The following NEK11 variants were observed in gnomAD, a reference collection of about 807,000 sequenced individuals.
NEK11 encodes NIMA related kinase 11.
NEK11 carries 72 observed loss-of-function variants against 80.7 expected under a neutral mutation model. The observed-to-expected ratio is 0.89, with a 90% confidence interval of 0.74 to 1.08. The LOEUF (loss-of-function observed/expected upper bound fraction) is 1.08. NEK11 is among the 50% of genes least tolerant of loss of function. NEK11 has a pLI of 0.00. For synonymous variants in NEK11, 251 were observed against 260.7 expected (o/e 0.96, Z 0.36); for missense variants, 764 against 763.6 (o/e 1.00, Z -0.01).
At chr3:131,203,747 ATGTGTGTGTG>A (rs1166405831) in intron 14 of NEK11, among the ~76,000 whole-genome samples, 4 of 64,290 alleles carry the variant, frequency 6.2e-5, no homozygotes, top group African/African-American at 2.3e-4. Flanking sequence ...GTATATATAT[ATGTGTGTGTG>A]TGTGTGTGTG....
At position 131,053,014 on chromosome 3, in the gene NEK11, G is replaced by GC. The variant is rs567586541; in HGVS notation, c.170+23142dup. Among the ~76,000 whole-genome samples, 41 of 151,968 alleles carry GC rather than the reference G, an allele frequency of 2.7e-4. No individual in the cohort carries two copies. The South Asian group carries it at 7.5e-3, about 28-fold the overall frequency. ...TTTGACTACTGAACTCCTCTTTCCC[G>GC]CCCCCCGGGACACTCTTATTAGCAT... On this transcript the variant is annotated intron_variant, in intron 3 of 17. Coordinates refer to ENST00000383366, the MANE Select transcript of NEK11 (RefSeq NM_024800.5).
intron 14 of NEK11, among the ~76,000 whole-genome samples, chr3:131,189,140 A>G (rs1394828422): frequency 6.6e-6 from 1 of 152,164 alleles, no homozygotes; most frequent in Non-Finnish European, 1.5e-5. Flanking sequence ...GGAGGCCTGG[A>G]ACAGATTCTT....
At chr3:131,342,882 G>A (rs983597078) in intron 17 of NEK11, among the ~76,000 whole-genome samples, 2 of 151,880 alleles carry the variant, frequency 1.3e-5, no homozygotes, top group Non-Finnish European at 2.9e-5. Flanking sequence ...TACACAATAG[G>A]AATTTTATGA....
intron 14 of NEK11, among the ~76,000 whole-genome samples, chr3:131,217,387 A>G (rs1468480728): frequency 6.6e-6 from 1 of 151,966 alleles, no homozygotes; most frequent in Non-Finnish European, 1.5e-5. Context: ...AGTGGTTTTT[A>G]TCTTGTTGGG....
At chr3:131,329,435 C>T (rs2097032630) in intron 17 of NEK11, 1 of 150,198 alleles carries the variant, frequency 6.7e-6, no homozygotes, top group Non-Finnish European at 1.5e-5. Context: ...TACTATGCAC[C>T]AAGCACTGTT....
chr3:131,331,258 C>T (rs576153977), intron 17 of NEK11, among the ~76,000 whole-genome samples: 5 of 152,176 alleles, frequency 3.3e-5, no homozygotes, highest in Non-Finnish European at 7.3e-5. Flanking sequence ...GAGATAGAAA[C>T]TAGCATTCAG....
chr3:131,221,833 C>T (rs773044675), intron 14 of NEK11, among the ~76,000 whole-genome samples: 7 of 152,112 alleles, frequency 4.6e-5, no homozygotes, highest in South Asian at 2.1e-4. Context: ...TGTTTCCAGA[C>T]GAGTGGCATA....
chr3:131,342,122 C>A (rs543002731), intron 17 of NEK11, among the ~76,000 whole-genome samples: 1 of 152,176 alleles, frequency 6.6e-6, no homozygotes, highest in Admixed American at 6.5e-5. Flanking sequence ...CTTCAAGGCA[C>A]GTGCTCTATC....
At chr3:131,238,896 G>T (rs1033222) in intron 15 of NEK11, among the ~76,000 whole-genome samples, 136,178 of 152,154 alleles carry the variant, frequency 0.9, 61,273 homozygotes, top group African/African-American at 0.98. Context: ...TGCATTTCAC[G>T]ATGTGCAAAT....
chr3:131,273,518 A>G lies in NEK11; in HGVS notation c.1662A>G (p.Pro554=). 6.2e-7 allele frequency: 1 copy of G among 1,614,098 alleles called. No homozygotes were observed. The highest frequency in any genetic ancestry group is 8.5e-7 in the Non-Finnish European group (1 of 1,179,946). ...CCACCATGGCTGAAGACATGTCCCC[A>G]GGACCACCAATTTTCAACAGTGTGA... ...TITTMAEDMS[P]GPPIFNSVMA... is the part of the protein sequence containing the mutation. Residue 554 remains proline, a synonymous_variant, in exon 17 of 18, where the codon CCA becomes CCG. Transcript: ENST00000383366.
intron 7 of NEK11, among the ~76,000 whole-genome samples, chr3:131,151,580 A>G (rs2089657038): frequency 6.6e-6 from 1 of 152,120 alleles, no homozygotes; most frequent in Non-Finnish European, 1.5e-5. Flanking sequence ...AGTGACTAAC[A>G]TGAAAAGGAA....
chr3:131,266,834 G>T (rs1251714854), intron 16 of NEK11, among the ~76,000 whole-genome samples: 1 of 152,120 alleles, frequency 6.6e-6, no homozygotes, highest in Non-Finnish European at 1.5e-5. Context: ...AAGTCTCTTT[G>T]TAGGTCTCTG....
intron 14 of NEK11, 29 bp downstream of exon 14, chr3:131,170,916 A>G (rs1257140533): frequency 2.0e-6 from 3 of 1,525,214 alleles, no homozygotes; most frequent in South Asian, 2.2e-5. Flanking sequence ...TTTCAGAAGG[A>G]TGCTCACAGC....
chr3:131,094,284 T>C (rs1329905249), intron 4 of NEK11, among the ~76,000 whole-genome samples: 1 of 152,006 alleles, frequency 6.6e-6, no homozygotes. Flanking sequence ...AAAGGGTTTC[T>C]TTTAACTGGT....
At chr3:131,223,049 A>G (rs1371139788) in intron 14 of NEK11, among the ~76,000 whole-genome samples, 1 of 152,208 alleles carries the variant, frequency 6.6e-6, no homozygotes, top group East Asian at 1.9e-4. Flanking sequence ...CCTGGCATAC[A>G]GAAGATCTGG....
chr3:131,267,680 C>G (rs2096087359), intron 16 of NEK11, among the ~76,000 whole-genome samples: 1 of 151,800 alleles, frequency 6.6e-6, no homozygotes, highest in Non-Finnish European at 1.5e-5. Flanking sequence ...GGTAACCTGA[C>G]CTTTCTCTCT....
intron 4 of NEK11, among the ~76,000 whole-genome samples, chr3:131,093,592 T>C (rs182797823): frequency 6.6e-6 from 1 of 152,192 alleles, no homozygotes; most frequent in East Asian, 1.9e-4. Flanking sequence ...AATTTTTGTA[T>C]TTTTAGTAGA....
At chr3:131,055,071 G>C (rs2069199724) in intron 3 of NEK11, among the ~76,000 whole-genome samples, 1 of 152,202 alleles carries the variant, frequency 6.6e-6, no homozygotes, top group Non-Finnish European at 1.5e-5. Context: ...CCTGGGGCAA[G>C]AGAGCCTTGA....
chr3:131,084,630 G>C (rs1324265835), intron 4 of NEK11, among the ~76,000 whole-genome samples: 1 of 152,212 alleles, frequency 6.6e-6, no homozygotes, highest in Non-Finnish European at 1.5e-5. Flanking sequence ...TTGTGGTGGA[G>C]AGAACATATG....
Sources: allele counts gnomAD v4.1 joint callset (sites outside exome capture counted in the v4.1 genomes callset), GRCh38; gene constraint gnomAD v4.1.1; transcripts MANE v1.5; gene names NCBI Gene and HGNC (gene_info 2026-07-23, HGNC 2026-07-21).